The following DIAPH2 variants were observed in gnomAD, a reference collection of about 807,000 sequenced individuals.
The protein encoded by DIAPH2 is protein diaphanous homolog 2.
Under a neutral mutation model 92.7 loss-of-function variants are expected in DIAPH2, and 35 were observed. The ratio of observed to expected loss-of-function variants is 0.38; its 90% CI spans 0.29 to 0.50. The LOEUF is 0.50. Among genes scored for constraint, DIAPH2 ranks in the 20% least tolerant of loss-of-function variants. The pLI, the probability that DIAPH2 is intolerant of heterozygous loss-of-function variation, is 0.94. For missense variants in DIAPH2, 701 were observed against 819.5 expected, an observed-to-expected ratio of 0.86 and a Z score of 1.77; for synonymous variants, 301 against 280.4, an observed-to-expected ratio of 1.07 and a Z score of -0.73.
chrX:96,783,353 G>A (rs1569394219), intron 4 of DIAPH2, among the ~76,000 whole-genome samples: 1 of 112,279 alleles, frequency 8.9e-6, no homozygotes, highest in Non-Finnish European at 1.9e-5. Context: ...GGGCTTCTTG[G>A]ACAGAAGATA....
chrX:96,743,636 A>G (rs1193510181), intron 3 of DIAPH2, among the ~76,000 whole-genome samples: 2 of 111,847 alleles, frequency 1.8e-5, no homozygotes, highest in Non-Finnish European at 1.9e-5. Context: ...AAATCTAAAA[A>G]TGTTGATTTC....
Position 96,802,018 on chromosome X carries a change from A to C in DIAPH2, c.447+43760A>C, listed in dbSNP as rs938424479. ...AAATAGAACAATACTGTCTCTTCCCAATTCCTACTGTCCTTGTCCTCCCTA... is the reference window on the plus strand; with the variant it reads ...AAATAGAACAATACTGTCTCTTCCCCATTCCTACTGTCCTTGTCCTCCCTA... On this transcript the variant is annotated intron_variant, in intron 4 of 26. Transcript: ENST00000324765. Among the ~76,000 whole-genome samples, 7 of 111,941 alleles carry C rather than the reference A, an allele frequency of 6.3e-5. No homozygotes were observed. The Admixed American group carries it at 6.6e-4, about 11-fold the overall frequency.
At chrX:97,157,228 T>C (rs2067329839) in intron 22 of DIAPH2, among the ~76,000 whole-genome samples, 1 of 110,190 alleles carries the variant, frequency 9.1e-6, no homozygotes, top group Non-Finnish European at 1.9e-5. Context: ...GCAGGAGAAC[T>C]GCTTGAACCT....
chrX:96,698,558 G>A (rs1431426102), intron 1 of DIAPH2, among the ~76,000 whole-genome samples: 1 of 110,825 alleles, frequency 9.0e-6, no homozygotes, highest in African/African-American at 3.3e-5. Flanking sequence ...CAATATGGAA[G>A]TGCATAATGT....
chrX:97,121,423 G>A lies in DIAPH2; in HGVS notation c.2589+6458G>A, dbSNP rs994484426. Among the ~76,000 whole-genome samples the A allele has an allele frequency of 2.7e-5, 3 of 111,545 alleles. No individual in the cohort carries two copies. In the Admixed American group the frequency reaches 2.9e-4, roughly 11 times the overall value. Reference sequence around the variant, plus strand: ...TCCCCTTTGTCCTTCACAAGACTCAGAACTCGTCAAATTTGGATGTATATT... The same window carrying A: ...TCCCCTTTGTCCTTCACAAGACTCAAAACTCGTCAAATTTGGATGTATATT... On this transcript the variant is annotated intron_variant, in intron 21 of 26. Transcript: ENST00000324765.
chrX:97,040,365 T>A (rs1156496591), intron 17 of DIAPH2, among the ~76,000 whole-genome samples: 1 of 110,930 alleles, frequency 9.0e-6, no homozygotes, highest in Non-Finnish European at 1.9e-5. Context: ...CCTGAGCTTA[T>A]AGAACTGTAG....
intron 23 of DIAPH2, among the ~76,000 whole-genome samples, chrX:97,272,984 A>G (rs918173400): frequency 1.8e-5 from 2 of 111,119 alleles, no homozygotes; most frequent in African/African-American, 6.5e-5. Context: ...GGAGAAACCC[A>G]GTCTGTACTA....
rs180848663 is a variant in DIAPH2, at chrX:96,712,778, A to G, written c.133-22980A>G. Among the ~76,000 whole-genome samples the G allele has an allele frequency of 5.9e-3, 661 of 111,678 alleles. 5 individuals carry two copies. The highest frequency in any genetic ancestry group is 0.021 in the African/African-American group (645 of 30,746). On this transcript the variant is annotated intron_variant, in intron 1 of 26. Transcript: ENST00000324765. ...GATTTGTTTGTTGCAAATTTTATGC[A>G]TAGATCCTCTGGTCACTTTCTGATC... is the stretch of plus-strand genomic sequence containing the variant.
intron 21 of DIAPH2, among the ~76,000 whole-genome samples, chrX:97,129,292 G>A (rs113275930): frequency 6.7e-4 from 72 of 107,829 alleles, no homozygotes; most frequent in Middle Eastern, 4.7e-3. Flanking sequence ...TCAGCCTCCC[G>A]AGTAGCTGAG....
At chrX:97,357,013 G>A (rs755024088) in intron 24 of DIAPH2, among the ~76,000 whole-genome samples, 1 of 111,655 alleles carries the variant, frequency 9.0e-6, no homozygotes, top group Admixed American at 9.6e-5. Context: ...TCCTATTAAA[G>A]TCTAATAAGA....
intron 22 of DIAPH2, among the ~76,000 whole-genome samples, chrX:97,145,338 G>A (rs1333047199): frequency 1.9e-5 from 2 of 107,962 alleles, no homozygotes; most frequent in African/African-American, 6.7e-5. Flanking sequence ...AGTAGTAGTA[G>A]TATTGATATA....
chrX:97,167,966 T>C (rs983479796), intron 22 of DIAPH2, among the ~76,000 whole-genome samples: 4 of 111,975 alleles, frequency 3.6e-5, no homozygotes, highest in South Asian at 3.7e-4. Flanking sequence ...ATATTACAGA[T>C]ACAAACCCCT....
intron 4 of DIAPH2, among the ~76,000 whole-genome samples, chrX:96,869,995 T>C (rs762188801): frequency 1.8e-5 from 2 of 110,905 alleles, no homozygotes; most frequent in South Asian, 7.8e-4. Context: ...CTTTTTGTTA[T>C]AATCCTCCTT....
chrX:97,025,105 C>G (rs772349135), intron 17 of DIAPH2, among the ~76,000 whole-genome samples: 4 of 112,145 alleles, frequency 3.6e-5, no homozygotes, highest in Non-Finnish European at 7.5e-5. Context: ...AATCCCAGCA[C>G]TTTGGGAGGC....
chrX:97,241,771 ATTTTTT>A, intron 22 of DIAPH2, among the ~76,000 whole-genome samples: 1 of 50,967 alleles, frequency 2.0e-5, no homozygotes. Flanking sequence ...AAGTAGGCTG[ATTTTTT>A]TTTTTTTTTT....
At chrX:96,721,177 A>G (rs2063986417) in intron 1 of DIAPH2, among the ~76,000 whole-genome samples, 1 of 112,248 alleles carries the variant, frequency 8.9e-6, no homozygotes, top group Non-Finnish European at 1.9e-5. Flanking sequence ...GGTAGAAGAA[A>G]GCAGAAACTG....
chrX:96,900,552 C>A, intron 5 of DIAPH2, among the ~76,000 whole-genome samples: 1 of 111,068 alleles, frequency 9.0e-6, no homozygotes, highest in Non-Finnish European at 1.9e-5. Context: ...TTGTTGCTTT[C>A]AACTTTTACC....
chrX:97,339,719 AGAT>A (rs978367979), intron 23 of DIAPH2, among the ~76,000 whole-genome samples: 2 of 112,123 alleles, frequency 1.8e-5, no homozygotes, highest in African/African-American at 6.5e-5. Flanking sequence ...GTTAGGGAGA[AGAT>A]GATGTGATTT....
intron 25 of DIAPH2, among the ~76,000 whole-genome samples, chrX:97,423,849 T>C (rs1321167797): frequency 2.7e-5 from 3 of 111,766 alleles, no homozygotes; most frequent in African/African-American, 9.7e-5. Context: ...AAAGTTTTTG[T>C]CTTTTTTAAT....
Sources: gnomAD v4.1 joint callset for allele counts (sites outside exome capture counted in the v4.1 genomes callset) on GRCh38, gnomAD v4.1.1 for gene constraint, MANE v1.5 for transcripts, NCBI Gene and HGNC (gene_info 2026-07-23, HGNC 2026-07-21) for gene names.